C4orf36: variants seen among roughly 807,000 people sequenced by gnomAD.
C4orf36 encodes the protein uncharacterized protein C4orf36.
In C4orf36, 11 loss-of-function variants were observed where a neutral mutation model predicts 12.2. The observed-to-expected ratio is 0.90, with a 90% confidence interval of 0.57 to 1.49. C4orf36 has a LOEUF of 1.49. Ranked by LOEUF, C4orf36 falls within the 40% of genes most tolerant of loss-of-function variation. The pLI is 0.00. For missense variants in C4orf36, 137 were observed against 133.9 expected, an observed-to-expected ratio of 1.02 and a Z score of -0.11; for synonymous variants, 54 against 51.3, an observed-to-expected ratio of 1.05 and a Z score of -0.22.
intron 2 of C4orf36, among the ~76,000 whole-genome samples, chr4:86,889,218 C>T (rs376172375): frequency 6.6e-5 from 10 of 151,922 alleles, no homozygotes; most frequent in African/African-American, 1.7e-4. Context: ...GGCATGGTGG[C>T]GGGCGCTTGT....
intron 4 of C4orf36, among the ~76,000 whole-genome samples, chr4:86,881,821 C>T (rs937557465): frequency 5.3e-4 from 81 of 152,124 alleles, no homozygotes; most frequent in African/African-American, 1.9e-3. Flanking sequence ...GGATTACAGG[C>T]GCATGCCACC....
At chr4:86,892,047 G>C in intron 1 of C4orf36, 136 bp downstream of exon 1, 1 of 986,390 alleles carries the variant, frequency 1.0e-6, no homozygotes, top group East Asian at 1.1e-4. Flanking sequence ...ACGCCGATTC[G>C]GGGCGAGTCC....
chr4:86,919,119 G>GGAGAGAGAGAGAGAGA, the C4orf36 span, among the ~76,000 whole-genome samples: 45 of 145,346 alleles, frequency 3.1e-4, no homozygotes, highest in African/African-American at 1.1e-3. Flanking sequence ...CCCAGCTCCA[G>GGAGAGAGAGAGAGAGA]GAGAGAGAGA....
chr4:86,901,574 A>AT, the C4orf36 span, among the ~76,000 whole-genome samples: 23,493 of 148,146 alleles, frequency 0.16, 2,121 homozygotes, highest in Middle Eastern at 0.2. Flanking sequence ...CACCCGGCTA[A>AT]TTTTTTTTTT....
chr4:86,893,900 ATT>A (rs1356693862), upstream of C4orf36, among the ~76,000 whole-genome samples: 15 of 145,268 alleles, frequency 1.0e-4, no homozygotes, highest in Admixed American at 1.0e-3. Context: ...TTATTTATTT[ATT>A]TATTTATTTA....
At chr4:86,930,553 G>A in the C4orf36 span, among the ~76,000 whole-genome samples, 1 of 152,324 alleles carries the variant, frequency 6.6e-6, no homozygotes, top group East Asian at 1.9e-4. Flanking sequence ...GGAAATTGTG[G>A]AAACTCAGTT....
the C4orf36 span, among the ~76,000 whole-genome samples, chr4:86,926,792 A>C: frequency 6.6e-6 from 1 of 152,098 alleles, no homozygotes; most frequent in Non-Finnish European, 1.5e-5. Context: ...TATTGTTGTC[A>C]CATGTGCCTG....
the C4orf36 span, among the ~76,000 whole-genome samples, chr4:86,923,456 C>T: frequency 6.6e-6 from 1 of 151,782 alleles, no homozygotes; most frequent in Non-Finnish European, 1.5e-5. Context: ...TAGTTAGTAA[C>T]CTTTATATTA....
At chr4:86,884,413 T>C (rs1747122814) in intron 4 of C4orf36, among the ~76,000 whole-genome samples, 2 of 148,686 alleles carry the variant, frequency 1.3e-5, no homozygotes, top group Admixed American at 6.8e-5. Flanking sequence ...CAAGGGATCC[T>C]CCCATCTCAG....
At chr4:86,925,356 G>A in the C4orf36 span, 1 of 152,094 alleles carries the variant, frequency 6.6e-6, no homozygotes, top group Non-Finnish European at 1.5e-5. Context: ...CAAGTAGCTA[G>A]GATTATGGGC....
the C4orf36 span, among the ~76,000 whole-genome samples, chr4:86,923,227 G>C: frequency 6.6e-6 from 1 of 151,640 alleles, no homozygotes; most frequent in Non-Finnish European, 1.5e-5. Flanking sequence ...GAGGAGCTGA[G>C]ACTACAGGTA....
At chr4:86,883,440 A>G (rs1042819672) in intron 4 of C4orf36, among the ~76,000 whole-genome samples, 10 of 152,184 alleles carry the variant, frequency 6.6e-5, no homozygotes, top group Non-Finnish European at 1.3e-4. Flanking sequence ...AATCAGCCCA[A>G]TATAATATAT....
intron 1 of C4orf36, among the ~76,000 whole-genome samples, chr4:86,891,803 C>T (rs958606261): frequency 6.6e-6 from 1 of 152,104 alleles, no homozygotes; most frequent in South Asian, 2.1e-4. Context: ...AGGTAAGTTT[C>T]GTCATCCTGA....
At chr4:86,899,030 G>A in the C4orf36 span, among the ~76,000 whole-genome samples, 1 of 152,224 alleles carries the variant, frequency 6.6e-6, no homozygotes, top group South Asian at 2.1e-4. Flanking sequence ...GGTCAAGGCT[G>A]CAGTGAGCCA....
At chr4:86,898,753 G>T in the C4orf36 span, among the ~76,000 whole-genome samples, 1 of 152,092 alleles carries the variant, frequency 6.6e-6, no homozygotes, top group Non-Finnish European at 1.5e-5. Flanking sequence ...AGGAGGTGGT[G>T]CTCTATGATC....
At chr4:86,897,189 C>T (rs923622739), upstream of C4orf36, among the ~76,000 whole-genome samples, 2 of 151,956 alleles carry the variant, frequency 1.3e-5, no homozygotes, top group Non-Finnish European at 1.5e-5. Context: ...GGCAAAACCC[C>T]ATCTCTACAA....
At chr4:86,890,536 G>T (rs971637510) in intron 2 of C4orf36, among the ~76,000 whole-genome samples, 1 of 151,514 alleles carries the variant, frequency 6.6e-6, no homozygotes, top group Non-Finnish European at 1.5e-5. Flanking sequence ...TACTATAATG[G>T]TACTTGCCCA....
At chr4:86,888,641 A>C (rs1747274552) in intron 2 of C4orf36, among the ~76,000 whole-genome samples, 1 of 152,200 alleles carries the variant, frequency 6.6e-6, no homozygotes, top group East Asian at 1.9e-4. Context: ...ATAATCATAC[A>C]TTGAGCAGGG....
At chr4:86,913,148 A>G in the C4orf36 span, 2 of 330,412 alleles carry the variant, frequency 6.1e-6, no homozygotes, top group East Asian at 1.5e-4. Flanking sequence ...TTGGCGTGAT[A>G]TATGTTCTCA....
Sources: gnomAD v4.1 joint callset for allele counts (sites outside exome capture counted in the v4.1 genomes callset) on GRCh38, gnomAD v4.1.1 for gene constraint, MANE v1.5 for transcripts, NCBI Gene and HGNC (gene_info 2026-07-23, HGNC 2026-07-21) for gene names.